Variants in ANXA3 observed in about 807,000 individuals in gnomAD.
ANXA3 encodes 35-alpha calcimedin.
Under a neutral mutation model 48.8 loss-of-function variants are expected in ANXA3, and 46 were observed. The ratio of observed to expected loss-of-function variants is 0.94; its 90% confidence interval spans 0.74 to 1.21. The LOEUF (loss-of-function observed/expected upper bound fraction) is 1.21. Among genes scored for constraint, ANXA3 ranks in the 50% most tolerant of loss-of-function variants. The pLI, the probability that ANXA3 is intolerant of heterozygous loss-of-function variation, is 0.00. For synonymous variants in ANXA3, 128 were observed against 134.7 expected (o/e 0.95, Z 0.35); for missense variants, 383 against 378.6 (o/e 1.01, Z -0.10).
At chr4:78,562,427 T>TGAC (rs1228247814) in intron 2 of ANXA3, among the ~76,000 whole-genome samples, 1 of 152,186 alleles carries the variant, frequency 6.6e-6, no homozygotes, top group Non-Finnish European at 1.5e-5. Context: ...ATAGGAGTAG[T>TGAC]GACAGTCCCA....
At chr4:78,574,801 T>C (rs1027437463) in intron 3 of ANXA3, among the ~76,000 whole-genome samples, 6 of 152,212 alleles carry the variant, frequency 3.9e-5, no homozygotes, top group Admixed American at 1.3e-4. Context: ...TATTGCAATA[T>C]AAAAATGCTG....
Position 78,573,189 on chromosome 4 carries a change from C to T in ANXA3, c.25C>T (p.Arg9Ter), listed in dbSNP as rs141337857. 1.5e-4 allele frequency: 242 copies of T among 1,611,984 alleles called. 1 individual carries two copies. The highest frequency in any genetic ancestry group is 3.3e-4 in the Middle Eastern group (2 of 6,080). The change falls in exon 3 of 13, where the codon CGA (arginine) becomes TGA (stop). Residue 9 changes from arginine to a stop codon, truncating the protein, a stop_gained. Coordinates refer to ENST00000264908, the MANE Select transcript of ANXA3 (RefSeq NM_005139.3). LOFTEE classifies it high-confidence loss of function. ...AAGTATTTCCTTCTAGGTTGGACAC[C>T]GAGGAACAGTAAGAGATTATCCAGA... is the stretch of plus-strand genomic sequence containing the variant. MASIWVGHRGTVRDYPDFS... is the reference protein window; with the variant it reads MASIWVGH
chr4:78,584,842 C>T lies in ANXA3; in HGVS notation c.313-1418C>T, dbSNP rs146916818. Among the ~76,000 whole-genome samples, 3 of 152,328 alleles carry T rather than the reference C, an allele frequency of 2.0e-5. No individual in the cohort carries two copies. In the East Asian group the frequency reaches 5.8e-4, roughly 29 times the overall value. On this transcript the variant is annotated intron_variant, in intron 5 of 12. Transcript: ENST00000264908. Reference sequence around the variant, plus strand: ...GAGCAGGGTAGGTGGGGTGAACCTTCAGACTGCAGTGGTGGCCTGACCCCT... The same window carrying T: ...GAGCAGGGTAGGTGGGGTGAACCTTTAGACTGCAGTGGTGGCCTGACCCCT...
Position 78,595,953 on chromosome 4 carries a change from T to C in ANXA3, c.634+66T>C. On this transcript the variant is annotated intron_variant, in intron 9 of 12. Coordinates refer to ENST00000264908, the MANE Select transcript of ANXA3 (RefSeq NM_005139.3). ...TTTACAAATGTTTTTGCATTTAGTA[T>C]ACAAAGATCTAGAAAAACGAAGTTT... The C allele has an allele frequency of 3.7e-6, 4 of 1,094,942 alleles. No homozygotes were observed. The South Asian group carries it at 5.6e-5, about 15-fold the overall frequency. 67.8% of individuals were successfully genotyped at this position (1,094,942 alleles called of 1,614,324 possible). A position where few individuals can be genotyped will look rare whatever the true frequency, so the allele number is the denominator to read the frequency against.
intron 5 of ANXA3, among the ~76,000 whole-genome samples, chr4:78,583,258 C>T (rs910529639): frequency 1.3e-5 from 2 of 152,118 alleles, no homozygotes; most frequent in African/African-American, 4.8e-5. Flanking sequence ...GGGAGGATCA[C>T]CTGAGCCCAG....
At chr4:78,586,178 T>C in intron 5 of ANXA3, 82 bp from the exon 6 acceptor site, 1 of 1,030,250 alleles carries the variant, frequency 9.7e-7, no homozygotes, top group Non-Finnish European at 1.5e-6. Context: ...CTTTCATCTA[T>C]ATAAACAAGA....
rs550373077 is a variant in ANXA3 at position 78,593,507 on chromosome 4, G to GT, written c.484-1860dup. ...GTGAGCCACTGCGCCCCGCCTTTGAGTTTTTTTTTTTTTTAAATAAACTTT... is the reference window on the plus strand; with the variant it reads ...GTGAGCCACTGCGCCCCGCCTTTGAGTTTTTTTTTTTTTTTAAATAAACTTT... On this transcript the variant is annotated intron_variant, in intron 7 of 12. Coordinates refer to ENST00000264908, the MANE Select transcript of ANXA3 (RefSeq NM_005139.3). 2.2e-3 allele frequency among the ~76,000 whole-genome samples: 313 copies of GT among 142,260 alleles called. 1 individual carries two copies. The highest frequency in any genetic ancestry group is 4.0e-3 in the South Asian group (18 of 4,500). 93.3% of individuals were successfully genotyped at this position (142,260 alleles called of 152,430 possible). A position where few individuals can be genotyped will look rare whatever the true frequency, so the allele number is the denominator to read the frequency against.
intron 5 of ANXA3, among the ~76,000 whole-genome samples, chr4:78,583,698 T>C (rs1367145799): frequency 1.3e-5 from 2 of 151,846 alleles, no homozygotes; most frequent in Non-Finnish European, 2.9e-5. Flanking sequence ...TCAAAATCTG[T>C]AGAGCAGGCT....
chr4:78,595,828 C>T lies in ANXA3; in HGVS notation c.575C>T (p.Thr192Met), dbSNP rs539172460. 17 of 1,611,852 alleles carry T rather than the reference C, an allele frequency of 1.1e-5. No individual in the cohort carries two copies. Among genetic ancestry groups the T allele is most frequent in the Admixed American group, 3.3e-5 (2 of 59,998 alleles). The change falls in exon 9 of 13, where the codon ACG becomes ATG. Residue 192 changes from threonine to methionine, a missense_variant. Thr to Met is a moderately conservative substitution (Grantham distance 81). Transcript: ENST00000264908. ...AAAGCTGGTGAGAACAGATGGGGCA[C>T]GGATGAAGACAAATTCACTGAGATC... ...LYKAGENRWG[T>M]DEDKFTEILC...
chr4:78,590,675 A>G (rs1377038684), intron 6 of ANXA3, among the ~76,000 whole-genome samples: 1 of 152,146 alleles, frequency 6.6e-6, no homozygotes, highest in African/African-American at 2.4e-5. Flanking sequence ...CAGTACTAAA[A>G]TATATGAACA....
chr4:78,605,893 C>T (rs570450543), intron 12 of ANXA3, among the ~76,000 whole-genome samples: 358 of 152,386 alleles, frequency 2.3e-3, no homozygotes, highest in Non-Finnish European at 4.0e-3. Context: ...AAGATGGCAA[C>T]TAGTTAGTGG....
chr4:78,607,151 A>G (rs1723664856), intron 12 of ANXA3, among the ~76,000 whole-genome samples: 1 of 152,250 alleles, frequency 6.6e-6, no homozygotes, highest in African/African-American at 2.4e-5. Flanking sequence ...GAAAACATTT[A>G]AACTATTTGT....
chr4:78,600,230 A>G (rs1411003439), intron 10 of ANXA3, among the ~76,000 whole-genome samples: 1 of 152,148 alleles, frequency 6.6e-6, no homozygotes, highest in Non-Finnish European at 1.5e-5. Flanking sequence ...GGTCATGGTA[A>G]TTAACTCTAA....
intron 2 of ANXA3, among the ~76,000 whole-genome samples, chr4:78,567,144 A>G (rs979043988): frequency 2.0e-5 from 3 of 152,254 alleles, no homozygotes; most frequent in African/African-American, 7.2e-5. Flanking sequence ...CGAGGCCCCC[A>G]GGATTTGCCC....
chr4:78,573,065 G>A, intron 2 of ANXA3, 115 bp from the exon 3 acceptor site: 1 of 813,744 alleles, frequency 1.2e-6, no homozygotes, highest in Non-Finnish European at 2.2e-6. Flanking sequence ...GTGGTAGGAA[G>A]GTGTGCGAAT....
chr4:78,609,312 G>A (rs1183009611), intron 12 of ANXA3, among the ~76,000 whole-genome samples: 1 of 152,158 alleles, frequency 6.6e-6, no homozygotes, highest in Non-Finnish European at 1.5e-5. Context: ...AATAATGTGA[G>A]CATCTTACAC....
At chr4:78,598,209 G>C (rs1369246620) in intron 10 of ANXA3, among the ~76,000 whole-genome samples, 1 of 145,186 alleles carries the variant, frequency 6.9e-6, no homozygotes, top group African/African-American at 2.8e-5. Flanking sequence ...ACACACACAT[G>C]CAACTAAGAC....
Position 78,561,554 on chromosome 4 carries a change from A to G in ANXA3, c.15+7066A>G, listed in dbSNP as rs908050049. Among the ~76,000 whole-genome samples, 3 of 152,006 alleles carry G rather than the reference A, an allele frequency of 2.0e-5. No individual in the cohort carries two copies. In the East Asian group the frequency reaches 5.8e-4, roughly 29 times the overall value. ...CATCCCATTAGACCTTTCTTTCCTG[A>G]TGTGATTGCTCTTCTTTGCTATGCA... On this transcript the variant is annotated intron_variant, in intron 2 of 12. Coordinates refer to ENST00000264908, the MANE Select transcript of ANXA3 (RefSeq NM_005139.3).
At chr4:78,566,401 G>A (rs1326534837) in intron 2 of ANXA3, among the ~76,000 whole-genome samples, 2 of 150,066 alleles carry the variant, frequency 1.3e-5, no homozygotes. Flanking sequence ...TAAAACTAAG[G>A]TTTATCAACA....
Sources: gnomAD v4.1 joint callset for allele counts (sites outside exome capture counted in the v4.1 genomes callset) on GRCh38, gnomAD v4.1.1 for gene constraint, MANE v1.5 for transcripts, NCBI Gene and HGNC (gene_info 2026-07-23, HGNC 2026-07-21) for gene names.